Variants in SLC25A48 observed in about 807,000 individuals in gnomAD.
SLC25A48 encodes solute carrier family 25 member 48.
Under a neutral mutation model 32.2 loss-of-function variants are expected in SLC25A48, and 29 were observed. That is an observed-to-expected ratio of 0.90 (90% CI 0.67 to 1.23). The LOEUF (loss-of-function observed/expected upper bound fraction) is 1.23. Ranked by LOEUF, SLC25A48 falls within the 50% of genes most tolerant of loss-of-function variation. The pLI is 0.00. For missense variants in SLC25A48, 399 were observed against 422.7 expected (o/e 0.94, Z 0.49); for synonymous variants, 164 against 172.3 (o/e 0.95, Z 0.38).
intron 5 of SLC25A48, among the ~76,000 whole-genome samples, chr5:135,873,557 C>T (rs755648751): frequency 6.6e-6 from 1 of 152,224 alleles, no homozygotes; most frequent in Non-Finnish European, 1.5e-5. Flanking sequence ...TAGAGTAAAT[C>T]CTGCCCTCAG....
chr5:135,723,525 C>T (rs1232234438), intron 3 of SLC25A48, among the ~76,000 whole-genome samples: 1 of 137,384 alleles, frequency 7.3e-6, no homozygotes, highest in Non-Finnish European at 1.6e-5. Flanking sequence ...CAACTGCAGT[C>T]CTCTTTTTTT....
chr5:135,886,665 TGTGTGTGTGA>T (rs1442917245), intron 7 of SLC25A48, among the ~76,000 whole-genome samples: 9,292 of 102,462 alleles, frequency 0.091, 1,005 homozygotes, highest in African/African-American at 0.12. Flanking sequence ...TGTGTGTGTG[TGTGTGTGTGA>T]GAGAGAGAGA....
intron 3 of SLC25A48, among the ~76,000 whole-genome samples, chr5:135,760,722 C>T (rs1756042793): frequency 6.6e-6 from 1 of 152,154 alleles, no homozygotes; most frequent in Non-Finnish European, 1.5e-5. Context: ...GGGCTTTTGC[C>T]TGATTTTCCT....
At chr5:135,733,436 G>A (rs542730884) in intron 3 of SLC25A48, among the ~76,000 whole-genome samples, 3 of 152,348 alleles carry the variant, frequency 2.0e-5, no homozygotes, top group South Asian at 2.1e-4. Flanking sequence ...AATGGTAATT[G>A]TGGGAGATTC....
chr5:135,790,902 T>C (rs1352406768), intron 3 of SLC25A48, among the ~76,000 whole-genome samples: 1 of 151,954 alleles, frequency 6.6e-6, no homozygotes, highest in Non-Finnish European at 1.5e-5. Context: ...TTACTCCTAA[T>C]GTCACAGTTG....
chr5:135,674,177 G>A (rs1753717607), intron 3 of SLC25A48, among the ~76,000 whole-genome samples: 1 of 151,800 alleles, frequency 6.6e-6, no homozygotes, highest in African/African-American at 2.4e-5. Context: ...TACTTACAAG[G>A]TACATGTGAT....
chr5:135,765,865 T>A (rs1209014244), intron 3 of SLC25A48, among the ~76,000 whole-genome samples: 1 of 146,696 alleles, frequency 6.8e-6, no homozygotes, highest in East Asian at 2.1e-4. Flanking sequence ...GGGATACTAT[T>A]CCCCACATTG....
chr5:135,661,613 C>T (rs1398507706), intron 3 of SLC25A48, among the ~76,000 whole-genome samples: 1 of 152,162 alleles, frequency 6.6e-6, no homozygotes, highest in Non-Finnish European at 1.5e-5. Context: ...TTCTTCCCTC[C>T]CCGGTCCTTT....
chr5:135,594,538 T>A (rs891557781), intron 1 of SLC25A48, among the ~76,000 whole-genome samples: 1 of 152,164 alleles, frequency 6.6e-6, no homozygotes, highest in Non-Finnish European at 1.5e-5. Context: ...CATAGGATGA[T>A]TGTGAAGATT....
At chr5:135,836,682 A>G (rs542745851) in intron 1 of SLC25A48, among the ~76,000 whole-genome samples, 31 of 152,146 alleles carry the variant, frequency 2.0e-4, no homozygotes, top group Non-Finnish European at 3.4e-4. Context: ...TGTTATGTCA[A>G]TTGAATCTTG....
chr5:135,697,773 G>T (rs1472501377), intron 3 of SLC25A48, among the ~76,000 whole-genome samples: 3 of 152,202 alleles, frequency 2.0e-5, no homozygotes, highest in Non-Finnish European at 4.4e-5. Flanking sequence ...AGCTGTTCCT[G>T]GTGTATCTCC....
At chr5:135,770,170 G>A (rs1345810583) in intron 3 of SLC25A48, among the ~76,000 whole-genome samples, 1 of 150,708 alleles carries the variant, frequency 6.6e-6, no homozygotes, top group Non-Finnish European at 1.5e-5. Flanking sequence ...CAGAAAAGAA[G>A]TGGATGATAT....
At chr5:135,667,576 C>G (rs1753554100) in intron 3 of SLC25A48, among the ~76,000 whole-genome samples, 1 of 152,192 alleles carries the variant, frequency 6.6e-6, no homozygotes, top group Admixed American at 6.5e-5. Flanking sequence ...CTACTCCCTT[C>G]CCTCTCTTTG....
intron 3 of SLC25A48, among the ~76,000 whole-genome samples, chr5:135,702,194 A>G (rs1168949426): frequency 1.3e-5 from 2 of 152,236 alleles, no homozygotes; most frequent in East Asian, 3.8e-4. Flanking sequence ...CTCCCAAAAG[A>G]TATGTCCACG....
chr5:135,874,622 C>G (rs752158722), intron 6 of SLC25A48: 114 of 682,950 alleles, frequency 1.7e-4, no homozygotes, highest in Middle Eastern at 4.7e-4. Flanking sequence ...TTCTGCTCTC[C>G]CACCTGAGCC....
At chr5:135,741,568 T>A (rs965236319) in intron 3 of SLC25A48, among the ~76,000 whole-genome samples, 9 of 152,068 alleles carry the variant, frequency 5.9e-5, no homozygotes, top group African/African-American at 2.2e-4. Context: ...CAAAACCCCA[T>A]CTCTACAAAA....
At chr5:135,586,355 A>C (rs545168384) in intron 1 of SLC25A48, among the ~76,000 whole-genome samples, 1 of 152,260 alleles carries the variant, frequency 6.6e-6, no homozygotes, top group Admixed American at 6.5e-5. Flanking sequence ...TAACAAACAA[A>C]AAATACAAAA....
chr5:135,761,116 C>T (rs1242300440), intron 3 of SLC25A48, among the ~76,000 whole-genome samples: 13 of 151,896 alleles, frequency 8.6e-5, no homozygotes, highest in Admixed American at 8.5e-4. Flanking sequence ...GCCTGAGCAA[C>T]ATGGTGAGAC....
At chr5:135,761,538 C>G (rs1012854373) in intron 3 of SLC25A48, among the ~76,000 whole-genome samples, 1 of 152,048 alleles carries the variant, frequency 6.6e-6, no homozygotes, top group Non-Finnish European at 1.5e-5. Flanking sequence ...AACCATAAAA[C>G]TAACCAAAAA....
Sources: gnomAD v4.1 joint callset for allele counts (sites outside exome capture counted in the v4.1 genomes callset) on GRCh38, gnomAD v4.1.1 for gene constraint, MANE v1.5 for transcripts, NCBI Gene and HGNC (gene_info 2026-07-23, HGNC 2026-07-21) for gene names.